ACVR1C: variants seen among roughly 807,000 people sequenced by gnomAD.
ACVR1C encodes the protein activin A receptor type 1C, also known as activin receptor type-1C.
ACVR1C carries 23 observed loss-of-function variants against 57.9 expected under a neutral mutation model. That is an observed-to-expected ratio of 0.40 (90% CI 0.29 to 0.56). The LOEUF (loss-of-function observed/expected upper bound fraction) is 0.56. ACVR1C is among the 20% of genes least tolerant of loss of function. The pLI is 0.50. For synonymous variants in ACVR1C, 214 were observed against 215.3 expected (o/e 0.99, Z 0.05); for missense variants, 480 against 607.9 (o/e 0.79, Z 2.21).
chr2:157,554,201 G>GAGAGAGAGAAAGAAAGAAAGAAAGAA (rs1553481316), intron 3 of ACVR1C, among the ~76,000 whole-genome samples: 2 of 41,442 alleles, frequency 4.8e-5, no homozygotes, highest in African/African-American at 2.9e-4. Flanking sequence ...ATAAAGAAGA[G>GAGAGAGAGAAAGAAAGAAAGAAAGAA]AGAAAGAAAG....
At chr2:157,556,459 T>C in intron 2 of ACVR1C, 127 bp from the exon 3 acceptor site, 1 of 1,230,694 alleles carries the variant, frequency 8.1e-7, no homozygotes, top group Non-Finnish European at 1.1e-6. Flanking sequence ...CTTATGTTCA[T>C]TGGTAAAGGC....
chr2:157,623,372 C>A (rs551509804), intron 1 of ACVR1C, among the ~76,000 whole-genome samples: 3 of 151,974 alleles, frequency 2.0e-5, no homozygotes, highest in Admixed American at 2.0e-4. Flanking sequence ...CATCAACAGA[C>A]GAATGGATAA....
chr2:157,621,236 A>G (rs143131406), intron 1 of ACVR1C, among the ~76,000 whole-genome samples: 23 of 152,298 alleles, frequency 1.5e-4, no homozygotes, highest in Non-Finnish European at 2.9e-4. Context: ...AACAGAAAGT[A>G]GAAGCTATTC....
intron 2 of ACVR1C, among the ~76,000 whole-genome samples, chr2:157,562,316 A>G (rs1300363325): frequency 1.4e-5 from 2 of 146,338 alleles, no homozygotes; most frequent in Non-Finnish European, 3.0e-5. Flanking sequence ...ATATATATAT[A>G]TATAAAATAT....
At chr2:157,562,840 A>G (rs538135078) in intron 2 of ACVR1C, among the ~76,000 whole-genome samples, 1 of 150,772 alleles carries the variant, frequency 6.6e-6, no homozygotes, top group South Asian at 2.1e-4. Context: ...AATGTAATCC[A>G]TCACATAAAC....
intron 1 of ACVR1C, among the ~76,000 whole-genome samples, chr2:157,607,097 A>C (rs527502645): frequency 6.6e-6 from 1 of 151,910 alleles, no homozygotes; most frequent in Non-Finnish European, 1.5e-5. Flanking sequence ...TATTCATGGC[A>C]GCTTTTTTGA....
At chr2:157,554,713 C>T (rs1433352088) in intron 3 of ACVR1C, among the ~76,000 whole-genome samples, 1 of 152,150 alleles carries the variant, frequency 6.6e-6, no homozygotes, top group Admixed American at 6.5e-5. Context: ...GTTATCAGCC[C>T]TCTGTTGCCT....
intron 2 of ACVR1C, among the ~76,000 whole-genome samples, chr2:157,556,961 C>CCA (rs2105226120): frequency 6.6e-6 from 1 of 152,248 alleles, no homozygotes; most frequent in South Asian, 2.1e-4. Context: ...CCATGCCTGG[C>CCA]CACAGCAGTC....
chr2:157,574,156 A>G (rs1025488989), intron 2 of ACVR1C, among the ~76,000 whole-genome samples: 1 of 152,254 alleles, frequency 6.6e-6, no homozygotes, highest in Non-Finnish European at 1.5e-5. Context: ...ATCTTCATCC[A>G]TTCTGTAAAA....
At chr2:157,612,022 C>A (rs1682546995) in intron 1 of ACVR1C, among the ~76,000 whole-genome samples, 1 of 152,156 alleles carries the variant, frequency 6.6e-6, no homozygotes. Flanking sequence ...CTGTGGGTAG[C>A]TCTCAGGGTC....
At chr2:157,550,734 C>CA (rs61211065) in intron 3 of ACVR1C, among the ~76,000 whole-genome samples, 100,423 of 138,614 alleles carry the variant, frequency 0.72, 36,469 homozygotes, top group East Asian at 0.92. Context: ...AGAGTAAAAG[C>CA]AAAAAAAAAA....
chr2:157,574,481 T>TA (rs374240392), intron 2 of ACVR1C, among the ~76,000 whole-genome samples: 7 of 152,344 alleles, frequency 4.6e-5, no homozygotes, highest in African/African-American at 1.7e-4. Context: ...AGGGGGAACA[T>TA]ATTTAGACCA....
At chr2:157,538,750 A>C in intron 7 of ACVR1C, 47 bp from the exon 8 acceptor site, 1 of 1,415,802 alleles carries the variant, frequency 7.1e-7, no homozygotes, top group Non-Finnish European at 9.3e-7. Context: ...ATAATAAACA[A>C]ACATGTCTAT....
At chr2:157,601,575 G>A (rs190898393) in intron 1 of ACVR1C, among the ~76,000 whole-genome samples, 1 of 152,152 alleles carries the variant, frequency 6.6e-6, no homozygotes, top group East Asian at 1.9e-4. Context: ...GAGTCTTGCT[G>A]CTTCTTTGAT....
At chr2:157,554,201 G>GAGAGAGAGAGAGAGAAAGAA (rs1553481316) in intron 3 of ACVR1C, among the ~76,000 whole-genome samples, 5 of 41,442 alleles carry the variant, frequency 1.2e-4, no homozygotes, top group African/African-American at 7.1e-4. Flanking sequence ...ATAAAGAAGA[G>GAGAGAGAGAGAGAGAAAGAA]AGAAAGAAAG....
chr2:157,595,651 A>G (rs186539592), intron 1 of ACVR1C, among the ~76,000 whole-genome samples: 1 of 152,346 alleles, frequency 6.6e-6, no homozygotes, highest in East Asian at 1.9e-4. Flanking sequence ...CATTTAGAAT[A>G]AAGCAAAATC....
chr2:157,579,828 A>G (rs1688744286), intron 2 of ACVR1C, among the ~76,000 whole-genome samples: 1 of 152,170 alleles, frequency 6.6e-6, no homozygotes, highest in Admixed American at 6.5e-5. Flanking sequence ...TAAATTTCGG[A>G]TACTTTTATT....
At chr2:157,546,293 G>A (rs1302623035) in intron 4 of ACVR1C, among the ~76,000 whole-genome samples, 1 of 152,194 alleles carries the variant, frequency 6.6e-6, no homozygotes, top group Non-Finnish European at 1.5e-5. Context: ...CAAAGTATAT[G>A]TATTTACAAA....
rs1253689059 is a variant in ACVR1C at position 157,628,619 on chromosome 2, A to G, written c.26T>C (p.Leu9Pro). MTRALCSALRQALLLLAAA... is the reference protein window; with the variant it reads MTRALCSAPRQALLLLAAA... The stretch of plus-strand genomic sequence containing the variant: ...TGCGAGCAGCAGGAGAGCCTGGCGG[A>G]GCGCTGAGCAGAGCGCCCGGGTCAT... Residue 9 changes from leucine (L) to proline (P), a missense_variant, in exon 1 of 9, where the codon CTC (leucine) becomes CCC (proline). Transcript: ENST00000243349. 1 of 1,598,040 alleles carries G rather than the reference A, an allele frequency of 6.3e-7. No individual in the cohort carries two copies.
Sources: allele counts gnomAD v4.1 joint callset (sites outside exome capture counted in the v4.1 genomes callset), GRCh38; gene constraint gnomAD v4.1.1; transcripts MANE v1.5; gene names NCBI Gene and HGNC (gene_info 2026-07-23, HGNC 2026-07-21).